The following SH3BGRL2 variants were observed in gnomAD, a reference collection of about 807,000 sequenced individuals.
SH3BGRL2 encodes the protein SH3 domain binding glutamate rich protein like 2, also known as SH3 domain-binding glutamic acid-rich-like protein 2.
Under a neutral mutation model 14.8 loss-of-function variants are expected in SH3BGRL2, and 21 were observed. That is an observed-to-expected ratio of 1.42 (90% CI 1.01 to 2.05). The LOEUF (loss-of-function observed/expected upper bound fraction) is 2.05, where lower values mean the gene tolerates loss of function less well. Among genes scored for constraint, SH3BGRL2 ranks in the 30% most tolerant of loss-of-function variants. The probability of loss-of-function intolerance (pLI) is 0.00; values close to 1 mark genes in which losing one functional copy is unlikely to be tolerated. For synonymous variants in SH3BGRL2, 50 were observed against 47.8 expected, an observed-to-expected ratio of 1.05 and a Z score of -0.19; for missense variants, 147 against 130.8, an observed-to-expected ratio of 1.12 and a Z score of -0.61.
At chr6:79,627,640 G>T (rs916957089), upstream of SH3BGRL2, among the ~76,000 whole-genome samples, 1 of 152,038 alleles carries the variant, frequency 6.6e-6, no homozygotes, top group Admixed American at 6.6e-5. Flanking sequence ...TCTTCTCTTG[G>T]TTTCTGTGAC....
At chr6:79,607,596 G>A in the SH3BGRL2 span, among the ~76,000 whole-genome samples, 1 of 152,114 alleles carries the variant, frequency 6.6e-6, no homozygotes, top group Non-Finnish European at 1.5e-5. Context: ...CAGATGCACT[G>A]CCCCTGTATT....
At chr6:79,690,279 A>AC (rs1422982722) in intron 2 of SH3BGRL2, among the ~76,000 whole-genome samples, 1 of 152,144 alleles carries the variant, frequency 6.6e-6, no homozygotes, top group Non-Finnish European at 1.5e-5. Context: ...GATGTGAACC[A>AC]CCCCAAATGA....
intron 1 of SH3BGRL2, among the ~76,000 whole-genome samples, chr6:79,663,506 C>A (rs769596967): frequency 5.9e-5 from 9 of 152,174 alleles, no homozygotes; most frequent in Non-Finnish European, 1.0e-4. Flanking sequence ...TGCAGAACAG[C>A]AAATGTTACT....
At chr6:79,649,899 C>T (rs998223748) in intron 1 of SH3BGRL2, among the ~76,000 whole-genome samples, 1 of 151,484 alleles carries the variant, frequency 6.6e-6, no homozygotes, top group Admixed American at 6.6e-5. Context: ...TCCTTGTAAA[C>T]GTCTGAGTGA....
At chr6:79,546,923 G>T in the SH3BGRL2 span, among the ~76,000 whole-genome samples, 1 of 151,958 alleles carries the variant, frequency 6.6e-6, no homozygotes, top group African/African-American at 2.4e-5. Context: ...CTCATGATCC[G>T]CCTGCCTCAG....
chr6:79,590,840 T>A, the SH3BGRL2 span, among the ~76,000 whole-genome samples: 7 of 152,092 alleles, frequency 4.6e-5, no homozygotes, highest in Admixed American at 2.0e-4. Flanking sequence ...ATAAATTAAT[T>A]AATTAAAGTA....
chr6:79,544,488 A>G, the SH3BGRL2 span, among the ~76,000 whole-genome samples: 1 of 152,216 alleles, frequency 6.6e-6, no homozygotes, highest in African/African-American at 2.4e-5. Flanking sequence ...TGGTAGCTCA[A>G]AATCAACCAC....
the SH3BGRL2 span, among the ~76,000 whole-genome samples, chr6:79,625,460 C>T: frequency 6.6e-6 from 1 of 152,074 alleles, no homozygotes; most frequent in African/African-American, 2.4e-5. Context: ...ATTGCTGCTT[C>T]ATTTCACAAA....
At chr6:79,585,578 C>T in the SH3BGRL2 span, among the ~76,000 whole-genome samples, 21 of 152,204 alleles carry the variant, frequency 1.4e-4, no homozygotes, top group East Asian at 2.3e-3. Context: ...AGTTTCCTGA[C>T]GACTCTCTAG....
At chr6:79,560,966 C>T in the SH3BGRL2 span, among the ~76,000 whole-genome samples, 1 of 149,506 alleles carries the variant, frequency 6.7e-6, no homozygotes, top group African/African-American at 2.5e-5. Context: ...CCACAACCTC[C>T]GCCCCCTGAA....
At chr6:79,687,354 A>G (rs1035042022) in intron 2 of SH3BGRL2, among the ~76,000 whole-genome samples, 6 of 151,772 alleles carry the variant, frequency 4.0e-5, no homozygotes, top group Admixed American at 1.3e-4. Flanking sequence ...TTTCTCCTCC[A>G]GTTTAAATTG....
chr6:79,645,286 C>G (rs1006627506), intron 1 of SH3BGRL2, among the ~76,000 whole-genome samples: 1 of 151,608 alleles, frequency 6.6e-6, no homozygotes, highest in African/African-American at 2.4e-5. Context: ...CACCCTCTTT[C>G]GAGTTAATAT....
At chr6:79,596,157 T>G in the SH3BGRL2 span, among the ~76,000 whole-genome samples, 1 of 152,230 alleles carries the variant, frequency 6.6e-6, no homozygotes, top group Non-Finnish European at 1.5e-5. Context: ...CAAAACCTTC[T>G]GGGTTTTTTG....
chr6:79,635,773 G>A (rs1038622455), intron 1 of SH3BGRL2, among the ~76,000 whole-genome samples: 1 of 152,228 alleles, frequency 6.6e-6, no homozygotes, highest in Non-Finnish European at 1.5e-5. Context: ...TCAAGTGAGG[G>A]TGGGTGTGGA....
upstream of SH3BGRL2, among the ~76,000 whole-genome samples, chr6:79,628,414 G>A (rs1353283135): frequency 6.6e-6 from 1 of 151,728 alleles, no homozygotes; most frequent in African/African-American, 2.4e-5. Flanking sequence ...ACCAGGACTT[G>A]TAAAGGGGAT....
At chr6:79,630,594 A>G (rs1297988694), upstream of SH3BGRL2, among the ~76,000 whole-genome samples, 1 of 152,216 alleles carries the variant, frequency 6.6e-6, no homozygotes, top group Non-Finnish European at 1.5e-5. Context: ...TTAGGTGCAC[A>G]GAGGCGAAGC....
the SH3BGRL2 span, among the ~76,000 whole-genome samples, chr6:79,603,312 G>C: frequency 6.6e-6 from 1 of 152,184 alleles, no homozygotes; most frequent in Non-Finnish European, 1.5e-5. Flanking sequence ...AGAAATATCT[G>C]AAGTACTGCA....
chr6:79,562,394 G>C, the SH3BGRL2 span, among the ~76,000 whole-genome samples: 1 of 152,038 alleles, frequency 6.6e-6, no homozygotes, highest in Non-Finnish European at 1.5e-5. Flanking sequence ...AAATAGTTTA[G>C]TAACTATTAA....
the SH3BGRL2 span, among the ~76,000 whole-genome samples, chr6:79,599,372 CTTTT>C: frequency 1.5e-5 from 2 of 133,488 alleles, no homozygotes; most frequent in Non-Finnish European, 1.6e-5. Flanking sequence ...TATAACAGAT[CTTTT>C]TTTTTTTTTT....
Sources: gnomAD v4.1 joint callset for allele counts (sites outside exome capture counted in the v4.1 genomes callset) on GRCh38, gnomAD v4.1.1 for gene constraint, MANE v1.5 for transcripts, NCBI Gene and HGNC (gene_info 2026-07-23, HGNC 2026-07-21) for gene names.